The following SNX25 variants were observed in gnomAD, a reference collection of about 807,000 sequenced individuals.
The protein encoded by SNX25 is sorting nexin-25.
In SNX25, 62 loss-of-function variants were observed where a neutral mutation model predicts 113.7. The ratio of observed to expected loss-of-function variants is 0.55; its 90% confidence interval spans 0.44 to 0.67. The LOEUF (loss-of-function observed/expected upper bound fraction) is 0.67. Among genes scored for constraint, SNX25 ranks in the 30% least tolerant of loss-of-function variants. SNX25 has a pLI of 0.00. For missense variants in SNX25, 1,014 were observed against 1,161.0 expected, an observed-to-expected ratio of 0.87 and a Z score of 1.84; for synonymous variants, 421 against 436.2, an observed-to-expected ratio of 0.97 and a Z score of 0.43.
At chr4:185,249,737 T>G (rs1745376465) in intron 2 of SNX25, among the ~76,000 whole-genome samples, 1 of 152,200 alleles carries the variant, frequency 6.6e-6, no homozygotes, top group Non-Finnish European at 1.5e-5. Flanking sequence ...GTGAAATTTT[T>G]ATTGCACACT....
chr4:185,215,675 C>A (rs973257607), intron 1 of SNX25, among the ~76,000 whole-genome samples: 1 of 151,824 alleles, frequency 6.6e-6, no homozygotes, highest in Non-Finnish European at 1.5e-5. Flanking sequence ...TATTCTTTTG[C>A]GTTTTAACTG....
intron 17 of SNX25, 161 bp downstream of exon 17, chr4:185,362,266 T>C (rs2095368522): frequency 1.0e-6 from 1 of 985,294 alleles, no homozygotes; most frequent in African/African-American, 1.7e-5. Flanking sequence ...TAAGAAGTTA[T>C]ACTGAGAATG....
At chr4:185,366,344 GAA>G (rs1243360441), downstream of SNX25, 1 of 152,164 alleles carries the variant, frequency 6.6e-6, no homozygotes, top group Non-Finnish European at 1.5e-5. Context: ...GAAGCACAAA[GAA>G]ACAATTTGCT....
In SNX25 at chr4:185,360,715, G is replaced by A. The variant is rs142622383; in HGVS notation, c.2652-1209G>A. 1.2e-4 allele frequency among the ~76,000 whole-genome samples: 18 copies of A among 152,018 alleles called. No homozygotes were observed. In the East Asian group the frequency reaches 2.7e-3, roughly 23 times the overall value. Reference sequence around the variant, plus strand: ...TGTAATCCCAGCACTTTGGGAGGCCGAGGTGGGCCAATCCTGACACAGTGA... The same window carrying A: ...TGTAATCCCAGCACTTTGGGAGGCCAAGGTGGGCCAATCCTGACACAGTGA... On this transcript the variant is annotated intron_variant, in intron 16 of 18. Transcript: ENST00000652585.
intron 6 of SNX25, 141 bp downstream of exon 6, chr4:185,288,223 A>G (rs1048131435): frequency 4.8e-5 from 29 of 604,504 alleles, no homozygotes; most frequent in African/African-American, 3.9e-4. Context: ...AAACAATACT[A>G]TTACAGTATT....
At chr4:185,237,177 T>A (rs1305982680) in intron 1 of SNX25, among the ~76,000 whole-genome samples, 1 of 152,176 alleles carries the variant, frequency 6.6e-6, no homozygotes, top group Non-Finnish European at 1.5e-5. Context: ...AATCCACTAT[T>A]TTCTATTAAT....
In SNX25 at chr4:185,347,814, C is replaced by A. The variant is rs570055268; in HGVS notation, c.2301+1164C>A. 3.9e-5 allele frequency among the ~76,000 whole-genome samples: 6 copies of A among 152,254 alleles called. No individual in the cohort carries two copies. The East Asian group carries it at 1.2e-3, about 29-fold the overall frequency. On this transcript the variant is annotated intron_variant, in intron 13 of 18. Transcript: ENST00000652585. ...TCTATTGTGCTGCTGCTCATCCTTT[C>A]CATAATGTTTTATGGGTTTGTCCAT... is the stretch of plus-strand genomic sequence containing the variant.
At chr4:185,378,485 T>C in the SNX25 span, 2 of 1,133,998 alleles carry the variant, frequency 1.8e-6, no homozygotes, top group Non-Finnish European at 2.2e-6. Context: ...GGTTTATACA[T>C]CAAGATGGGT....
intron 2 of SNX25, among the ~76,000 whole-genome samples, chr4:185,257,050 G>C (rs979582890): frequency 6.6e-6 from 1 of 151,972 alleles, no homozygotes; most frequent in African/African-American, 2.4e-5. Flanking sequence ...TTGTGAAGTA[G>C]ATCTGGTTCA....
At chr4:185,331,608 C>A (rs953862485) in intron 9 of SNX25, among the ~76,000 whole-genome samples, 8 of 152,096 alleles carry the variant, frequency 5.3e-5, no homozygotes, top group African/African-American at 1.7e-4. Flanking sequence ...TGGTGAAACC[C>A]TGTCTCTACT....
intron 5 of SNX25, 45 bp downstream of exon 5, chr4:185,267,200 A>G: frequency 3.2e-6 from 5 of 1,552,626 alleles, no homozygotes; most frequent in Non-Finnish European, 4.4e-6. Context: ...ACTGATTATC[A>G]TCCCCTGCCT....
chr4:185,240,560 C>T (rs1323955319), intron 1 of SNX25, among the ~76,000 whole-genome samples: 1 of 149,968 alleles, frequency 6.7e-6, no homozygotes, highest in Non-Finnish European at 1.5e-5. Context: ...GGGCGGCTGG[C>T]CGGGCAGAGG....
chr4:185,361,892 AC>A (rs770862617), intron 16 of SNX25, 31 bp from the exon 17 acceptor site: 1 of 1,608,716 alleles, frequency 6.2e-7, no homozygotes, highest in Non-Finnish European at 8.5e-7. Flanking sequence ...ATTTTTAAAA[AC>A]CTCATCCAAG....
In SNX25 at chr4:185,260,502, G is replaced by A. The variant is rs1003815387; in HGVS notation, c.731+1438G>A. 2.0e-5 allele frequency among the ~76,000 whole-genome samples: 3 copies of A among 152,150 alleles called. No homozygotes were observed. In the South Asian group the frequency reaches 6.2e-4, roughly 32 times the overall value. On this transcript the variant is annotated intron_variant, in intron 3 of 18. Coordinates refer to ENST00000652585, the MANE Select transcript of SNX25 (RefSeq NM_001378034.2). ...TACACCATGGAATGGGCAAATGATCGAAATCAGAGCTTTTTTTTCCTCAGG... is the reference window on the plus strand; with the variant it reads ...TACACCATGGAATGGGCAAATGATCAAAATCAGAGCTTTTTTTTCCTCAGG...
At chr4:185,320,383 A>C (rs932958291) in intron 7 of SNX25, among the ~76,000 whole-genome samples, 1 of 152,146 alleles carries the variant, frequency 6.6e-6, no homozygotes, top group Non-Finnish European at 1.5e-5. Flanking sequence ...GGAACAGAAA[A>C]CCAAACACCA....
At chr4:185,321,262 A>AT (rs556737428) in intron 8 of SNX25, among the ~76,000 whole-genome samples, 2,712 of 137,234 alleles carry the variant, frequency 0.02, 59 homozygotes, top group African/African-American at 0.052. Flanking sequence ...TTTCATTTCA[A>AT]TTTTTTTTTT....
At chr4:185,240,526 A>T (rs1743651569) in intron 1 of SNX25, among the ~76,000 whole-genome samples, 1 of 144,832 alleles carries the variant, frequency 6.9e-6, no homozygotes, top group Admixed American at 6.9e-5. Flanking sequence ...CGGGGGGCTG[A>T]CCCCCCCACC....
intron 5 of SNX25, among the ~76,000 whole-genome samples, chr4:185,283,730 A>G (rs1324181862): frequency 1.3e-5 from 2 of 152,214 alleles, no homozygotes; most frequent in Non-Finnish European, 2.9e-5. Flanking sequence ...TCTCATAATC[A>G]TCTGAATTCT....
At position 185,258,917 on chromosome 4, in the gene SNX25, T is replaced by A. The variant is rs753008916; in HGVS notation, c.584T>A (p.Leu195His). Residue 195 changes from leucine to histidine, a missense_variant, in exon 3 of 19, where the codon CTT (leucine) becomes CAT (histidine). Transcript: ENST00000652585. ...AACCTCAGCAGAGATGAGGGACAAC[T>A]TTACCATCTGCTCTTGGAAGACTTT... ...YGNLSRDEGQ[L>H]YHLLLEDFWE... The A allele has an allele frequency of 6.2e-7, 1 of 1,614,182 alleles. No homozygotes were observed. Among genetic ancestry groups the A allele is most frequent in the Non-Finnish European group, 8.5e-7 (1 of 1,180,024 alleles).
Sources: allele counts gnomAD v4.1 joint callset (sites outside exome capture counted in the v4.1 genomes callset), GRCh38; gene constraint gnomAD v4.1.1; transcripts MANE v1.5; gene names NCBI Gene and HGNC (gene_info 2026-07-23, HGNC 2026-07-21).